The following NFIB variants were observed in gnomAD, a reference collection of about 807,000 sequenced individuals.
The protein encoded by NFIB is nuclear factor I B.
A neutral mutation model predicts 61.5 loss-of-function variants in NFIB; 11 were observed. The observed-to-expected ratio is 0.18, with a 90% confidence interval of 0.11 to 0.30. NFIB has a LOEUF of 0.30. Ranked by LOEUF, NFIB falls within the 10% of genes least tolerant of loss-of-function variation. The pLI, the probability that NFIB is intolerant of heterozygous loss-of-function variation, is 1.00. For synonymous variants in NFIB, 260 were observed against 216.5 expected, an observed-to-expected ratio of 1.20 and a Z score of -1.76; for missense variants, 471 against 608.9, an observed-to-expected ratio of 0.77 and a Z score of 2.38.
Position 14,205,530 on chromosome 9 carries a change from T to C in NFIB, c.563-25750A>G, listed in dbSNP as rs866858474. Among the ~76,000 whole-genome samples, 21 of 152,186 alleles carry C rather than the reference T, an allele frequency of 1.4e-4. No homozygotes were observed. In the South Asian group the frequency reaches 4.2e-3, roughly 30 times the overall value. On this transcript the variant is annotated intron_variant, in intron 2 of 10. Transcript: ENST00000380953. ...GGCTATGTTCACAGCAGCCAAATAC[T>C]GCATAATGAGGTCAGTGGATTTTTC...
intron 2 of NFIB, chr9:14,204,445 G>A: frequency 9.1e-7 from 1 of 1,094,374 alleles, no homozygotes; most frequent in Non-Finnish European, 1.4e-6. Context: ...TGCAGCGGCA[G>A]AGAGTCATCC....
intron 7 of NFIB, 117 bp downstream of exon 7, chr9:14,125,515 A>G (rs2130886396): frequency 1.4e-6 from 2 of 1,398,576 alleles, no homozygotes; most frequent in Non-Finnish European, 1.9e-6. Flanking sequence ...CCCTCACCAT[A>G]TGGGTTGAGA....
At chr9:14,414,234 G>A in the NFIB span, among the ~76,000 whole-genome samples, 12 of 152,068 alleles carry the variant, frequency 7.9e-5, no homozygotes, top group Non-Finnish European at 1.6e-4. Flanking sequence ...TCAAGAGATT[G>A]AGACCCCATG....
intron 2 of NFIB, among the ~76,000 whole-genome samples, chr9:14,294,211 C>T (rs1588173037): frequency 6.6e-6 from 1 of 152,156 alleles, no homozygotes; most frequent in Admixed American, 6.5e-5. Context: ...TTACTATAAG[C>T]AGCTTTTCCC....
At chr9:14,523,569 T>C in the NFIB span, among the ~76,000 whole-genome samples, 119 of 152,184 alleles carry the variant, frequency 7.8e-4, 2 homozygotes, top group East Asian at 0.02. Context: ...AGCCTTACAC[T>C]GGAAAAATAA....
At chr9:14,344,090 G>A (rs554924421) in intron 1 of NFIB, among the ~76,000 whole-genome samples, 1 of 142,460 alleles carries the variant, frequency 7.0e-6, no homozygotes, top group Admixed American at 6.7e-5. Flanking sequence ...CCTTTAAAGA[G>A]AGGGAGAGAG....
chr9:14,463,663 T>TCC, the NFIB span, among the ~76,000 whole-genome samples: 19 of 66,750 alleles, frequency 2.8e-4, no homozygotes, highest in African/African-American at 1.1e-3. Flanking sequence ...GATTTTCTTT[T>TCC]TTTTTTTTTT....
chr9:14,418,512 T>C, the NFIB span, among the ~76,000 whole-genome samples: 6 of 151,656 alleles, frequency 4.0e-5, no homozygotes, highest in South Asian at 1.3e-3. Context: ...GTGAAAAGAG[T>C]AGGGGTATGC....
At chr9:14,500,889 A>G in the NFIB span, among the ~76,000 whole-genome samples, 3 of 152,186 alleles carry the variant, frequency 2.0e-5, no homozygotes, top group African/African-American at 4.8e-5. Flanking sequence ...CAGCTAAGCT[A>G]TGTCTCTGAA....
chr9:14,131,082 C>A (rs961717980), intron 6 of NFIB, among the ~76,000 whole-genome samples: 1 of 152,076 alleles, frequency 6.6e-6, no homozygotes, highest in Non-Finnish European at 1.5e-5. Flanking sequence ...AGAAAGAATT[C>A]TTCTTAATGA....
At chr9:14,176,089 A>G (rs928265695) in intron 3 of NFIB, among the ~76,000 whole-genome samples, 1 of 152,182 alleles carries the variant, frequency 6.6e-6, no homozygotes, top group African/African-American at 2.4e-5. Flanking sequence ...CCAATCAATC[A>G]CACATTTCCT....
chr9:14,525,436 G>T, the NFIB span, among the ~76,000 whole-genome samples: 2 of 152,082 alleles, frequency 1.3e-5, no homozygotes, highest in Non-Finnish European at 2.9e-5. Context: ...CCTTGAAGTC[G>T]AGTGGCCTCC....
At chr9:14,509,444 T>G in the NFIB span, among the ~76,000 whole-genome samples, 1 of 152,188 alleles carries the variant, frequency 6.6e-6, no homozygotes. Flanking sequence ...CATCAAAACT[T>G]CAATGGTGAA....
chr9:14,237,884 T>C (rs1050105285), intron 2 of NFIB, among the ~76,000 whole-genome samples: 2 of 144,812 alleles, frequency 1.4e-5, no homozygotes, highest in Non-Finnish European at 3.1e-5. Flanking sequence ...TGTGTGTGTG[T>C]GTGTGTATTC....
At chr9:14,201,196 T>C (rs545584915) in intron 2 of NFIB, among the ~76,000 whole-genome samples, 2 of 152,200 alleles carry the variant, frequency 1.3e-5, no homozygotes, top group African/African-American at 2.4e-5. Context: ...ATCCTCTGCA[T>C]AGCCACCAGG....
chr9:14,287,813 A>T (rs1015564231), intron 2 of NFIB, among the ~76,000 whole-genome samples: 2 of 152,046 alleles, frequency 1.3e-5, no homozygotes, highest in Non-Finnish European at 2.9e-5. Context: ...AAAATATTTA[A>T]AGCTGGGTGT....
chr9:14,116,646 T>G (rs1281775421), intron 8 of NFIB, among the ~76,000 whole-genome samples: 1 of 152,244 alleles, frequency 6.6e-6, no homozygotes, highest in Non-Finnish European at 1.5e-5. Flanking sequence ...GAAACTCAAG[T>G]GCAGACTTAA....
chr9:14,313,659 C>G lies in NFIB; in HGVS notation c.-148G>C. The G allele has an allele frequency of 1.3e-6, 2 of 1,512,886 alleles. No homozygotes were observed. The highest frequency in any genetic ancestry group is 1.8e-6 in the Non-Finnish European group (2 of 1,131,278). 93.7% of individuals were successfully genotyped at this position (1,512,886 alleles called of 1,614,324 possible). On this transcript the variant is annotated 5_prime_UTR_variant, in exon 1 of 11. Transcript: ENST00000380953. The surrounding 1 kb of genome is among the most constrained non-coding windows in gnomAD (Gnocchi z 4.5). ...GCGCTGGATCACCGCAACTTCACAACAAACCCAGTCCTCCTTAAATAGCCA... is the reference window on the plus strand; with the variant it reads ...GCGCTGGATCACCGCAACTTCACAAGAAACCCAGTCCTCCTTAAATAGCCA...
chr9:14,441,022 T>C, the NFIB span, among the ~76,000 whole-genome samples: 2 of 151,678 alleles, frequency 1.3e-5, no homozygotes, highest in Admixed American at 6.6e-5. Context: ...GTTTATAAGA[T>C]GAAGCCAGAT....
Sources: allele counts gnomAD v4.1 joint callset (sites outside exome capture counted in the v4.1 genomes callset), GRCh38; gene constraint gnomAD v4.1.1; non-coding constraint Gnocchi (gnomAD v3.1); transcripts MANE v1.5; gene names NCBI Gene and HGNC (gene_info 2026-07-23, HGNC 2026-07-21).